RGS22: variants seen among roughly 807,000 people sequenced by gnomAD.
The protein encoded by RGS22 is regulator of G protein signaling 22.
RGS22 carries 148 observed loss-of-function variants against 172.9 expected under a neutral mutation model. The ratio of observed to expected loss-of-function variants is 0.86; its 90% CI spans 0.75 to 0.98. RGS22 has a LOEUF of 0.98. Ranked by LOEUF, RGS22 falls within the 50% of genes least tolerant of loss-of-function variation. The pLI is 0.00. For synonymous variants in RGS22, 458 were observed against 480.2 expected (o/e 0.95, Z 0.60); for missense variants, 1,347 against 1,440.8 (o/e 0.93, Z 1.05).
intron 2 of RGS22, among the ~76,000 whole-genome samples, chr8:100,097,808 T>A (rs538318108): frequency 6.5e-4 from 99 of 152,326 alleles, no homozygotes; most frequent in African/African-American, 2.1e-3. Context: ...CCAAACCTCA[T>A]CTTTCCTATT....
chr8:100,008,558 G>A lies in RGS22; in HGVS notation c.2178C>T (p.Ala726=). 6.2e-7 allele frequency: 1 copy of A among 1,606,328 alleles called. No homozygotes were observed. Among genetic ancestry groups the A allele is most frequent in the Non-Finnish European group, 8.5e-7 (1 of 1,177,786 alleles). Residue 726 remains alanine, a synonymous_variant, in exon 15 of 28, where the codon GCC becomes GCT. Coordinates refer to ENST00000360863, the MANE Select transcript of RGS22 (RefSeq NM_015668.5). ...KVCKQAQYLF[A]TYVAPSATLD... is the part of the protein sequence containing the mutation. ...GAGTGGCAGAAGGAGCAACGTATGT[G>A]GCAAAAAGATACTGAAGGAGAAGAG... is the stretch of plus-strand genomic sequence containing the variant.
In RGS22 at chr8:100,105,363, AT is replaced by A. The variant is rs1179233178; in HGVS notation, c.54+10del. ...CCAAAGAAAAAAATAGCCCCTTGAAATGATACTTACAAATTCTTCTTCTGTA... is the reference window on the plus strand; with the variant it reads ...CCAAAGAAAAAAATAGCCCCTTGAAAGATACTTACAAATTCTTCTTCTGTA... On this transcript the variant is annotated intron_variant, in intron 2 of 27. Coordinates refer to ENST00000360863, the MANE Select transcript of RGS22 (RefSeq NM_015668.5). 1 of 1,604,038 alleles carries A rather than the reference AT, an allele frequency of 6.2e-7. No homozygotes were observed.
At chr8:100,097,163 G>C (rs947701097) in intron 2 of RGS22, among the ~76,000 whole-genome samples, 1 of 152,172 alleles carries the variant, frequency 6.6e-6, no homozygotes, top group Non-Finnish European at 1.5e-5. Context: ...GGGAATGGGG[G>C]CGAGAATCAA....
At chr8:100,005,969 C>A (rs1815652587) in intron 16 of RGS22, 48 bp downstream of exon 16, 1 of 1,421,602 alleles carries the variant, frequency 7.0e-7, no homozygotes. Flanking sequence ...AAGTGGTAAC[C>A]CTCTCCAGGA....
chr8:99,964,069 TTCTC>T (rs72231344), intron 24 of RGS22, among the ~76,000 whole-genome samples: 4 of 151,348 alleles, frequency 2.6e-5, no homozygotes, highest in African/African-American at 7.3e-5. Context: ...CATCATCCCT[TTCTC>T]TCTCTCTCTC....
At chr8:100,025,793 C>T (rs1472619888) in intron 14 of RGS22, among the ~76,000 whole-genome samples, 1 of 151,998 alleles carries the variant, frequency 6.6e-6, no homozygotes, top group Non-Finnish European at 1.5e-5. Context: ...ACCCAAGGTC[C>T]TGGGTGTTAC....
intron 14 of RGS22, among the ~76,000 whole-genome samples, chr8:100,035,594 G>A (rs576886083): frequency 6.6e-4 from 101 of 152,218 alleles, no homozygotes; most frequent in African/African-American, 2.2e-3. Context: ...TTGACCCAGC[G>A]ATCCCATTAC....
In RGS22 at chr8:100,037,003, T is replaced by C. The variant is rs577443842; in HGVS notation, c.2166+1928A>G. On this transcript the variant is annotated intron_variant, in intron 14 of 27. Coordinates refer to ENST00000360863, the MANE Select transcript of RGS22 (RefSeq NM_015668.5). ...CCCCTGAAGAGAGTCATATATCTAT[T>C]ATAAAGAAACGAACAGCATTTCATA... is the stretch of plus-strand genomic sequence containing the variant. Among the ~76,000 whole-genome samples, 5 of 152,306 alleles carry C rather than the reference T, an allele frequency of 3.3e-5. No homozygotes were observed. In the East Asian group the frequency reaches 9.6e-4, roughly 29 times the overall value.
chr8:100,025,456 C>T (rs544850852), intron 14 of RGS22, among the ~76,000 whole-genome samples: 2 of 152,310 alleles, frequency 1.3e-5, no homozygotes, highest in African/African-American at 4.8e-5. Context: ...GCCAACCTCA[C>T]CCCTCACCCA....
chr8:100,091,021 A>G (rs1475602553), intron 3 of RGS22, among the ~76,000 whole-genome samples: 1 of 152,086 alleles, frequency 6.6e-6, no homozygotes, highest in East Asian at 1.9e-4. Context: ...ATAACTATCC[A>G]AAAAAAGAAA....
chr8:99,971,038 T>C (rs1444145841), intron 23 of RGS22, among the ~76,000 whole-genome samples: 1 of 152,212 alleles, frequency 6.6e-6, no homozygotes, highest in Admixed American at 6.5e-5. Context: ...CACAATCAAG[T>C]TGGCTTCATC....
chr8:100,042,080 G>A (rs1820200195), intron 11 of RGS22, 164 bp from the exon 12 acceptor site: 2 of 485,196 alleles, frequency 4.1e-6, no homozygotes, highest in Admixed American at 3.6e-5. Context: ...CTAAAGTGGT[G>A]GTTCAGAAAA....
chr8:100,098,832 C>CCTTTAT lies in RGS22; in HGVS notation c.55-5324_55-5323insATAAAG, dbSNP rs142562966. On this transcript the variant is annotated intron_variant, in intron 2 of 27. Transcript: ENST00000360863. ...TGGATGCTCCCCTGCCCCTGACCCC[C>CCTTTAT]TTTTATTTTTTTATTTATTTTATTA... Among the ~76,000 whole-genome samples, 168 of 78,376 alleles carry CCTTTAT rather than the reference C, an allele frequency of 2.1e-3. 1 individual carries two copies. The highest frequency in any genetic ancestry group is 0.012 in the African/African-American group (156 of 12,532). The allele number at this position is 78,376 out of a possible 152,430, so 51.4% of individuals were successfully genotyped here.
chr8:100,063,166 A>G (rs1810279180), intron 8 of RGS22, among the ~76,000 whole-genome samples: 1 of 152,168 alleles, frequency 6.6e-6, no homozygotes, highest in Admixed American at 6.5e-5. Flanking sequence ...AAGTAGTTCT[A>G]GAATGTATGG....
intron 19 of RGS22, among the ~76,000 whole-genome samples, chr8:99,997,503 G>A (rs144137140): frequency 6.6e-6 from 1 of 152,142 alleles, no homozygotes; most frequent in African/African-American, 2.4e-5. Flanking sequence ...TATAAATTCT[G>A]TCTTCCCAGC....
intron 23 of RGS22, among the ~76,000 whole-genome samples, chr8:99,968,147 T>C (rs1458154978): frequency 6.6e-6 from 1 of 152,226 alleles, no homozygotes; most frequent in East Asian, 1.9e-4. Flanking sequence ...GGGGCCTGAC[T>C]GTTGAAGTAA....
At position 100,052,913 on chromosome 8, in the gene RGS22, G is replaced by A; in HGVS notation, c.1578C>T (p.Phe526=). 6.2e-7 allele frequency: 1 copy of A among 1,614,080 alleles called. No individual in the cohort carries two copies. The highest frequency in any genetic ancestry group is 1.1e-5 in the South Asian group (1 of 91,078). The change falls in exon 10 of 28, where the codon TTC becomes TTT. Residue 526 remains phenylalanine (F), a synonymous_variant. Coordinates refer to ENST00000360863, the MANE Select transcript of RGS22 (RefSeq NM_015668.5). ...STKYASAELK[F]WHLRQAKPRK... Reference sequence around the variant, plus strand: ...TTGGTTTTGCTTGACGGAGGTGCCAGAATTTCAGTTCAGCACTAGCATATT... The same window carrying A: ...TTGGTTTTGCTTGACGGAGGTGCCAAAATTTCAGTTCAGCACTAGCATATT...
chr8:100,044,327 A>G (rs1201129766), intron 11 of RGS22, among the ~76,000 whole-genome samples: 2 of 152,190 alleles, frequency 1.3e-5, no homozygotes, highest in Non-Finnish European at 2.9e-5. Flanking sequence ...GCTCACTGCA[A>G]CCTCTGCCTC....
chr8:99,991,449 C>T (rs895788274), intron 20 of RGS22, among the ~76,000 whole-genome samples: 1 of 152,120 alleles, frequency 6.6e-6, no homozygotes, highest in Non-Finnish European at 1.5e-5. Flanking sequence ...AAAACCATGG[C>T]ACGAGAACTT....
Sources: gnomAD v4.1 joint callset for allele counts (sites outside exome capture counted in the v4.1 genomes callset) on GRCh38, gnomAD v4.1.1 for gene constraint, MANE v1.5 for transcripts, NCBI Gene and HGNC (gene_info 2026-07-23, HGNC 2026-07-21) for gene names.